The following ARMC1 variants were observed in gnomAD, a reference collection of about 807,000 sequenced individuals.
ARMC1 encodes armadillo repeat containing 1, also known as armadillo repeat-containing protein 1.
ARMC1 carries 16 observed loss-of-function variants against 31.4 expected under a neutral mutation model. The ratio of observed to expected loss-of-function variants is 0.51; its 90% CI spans 0.34 to 0.77. The LOEUF is 0.77. Ranked by LOEUF, ARMC1 falls within the 30% of genes least tolerant of loss-of-function variation. ARMC1 has a pLI of 0.01. For synonymous variants in ARMC1, 114 were observed against 118.9 expected (o/e 0.96, Z 0.27); for missense variants, 259 against 347.5 (o/e 0.75, Z 2.02).
In ARMC1 at chr8:65,612,211, G is replaced by A. The variant is rs78181816; in HGVS notation, c.465+1033C>T. On this transcript the variant is annotated intron_variant, in intron 4 of 6. Coordinates refer to ENST00000276569, the MANE Select transcript of ARMC1 (RefSeq NM_018120.6). Reference sequence around the variant, plus strand: ...GTGCAGTGGTTCATGCCTGTAATCCGAGCTCTTTGCTGGGTTGAGGCAGGA... The same window carrying A: ...GTGCAGTGGTTCATGCCTGTAATCCAAGCTCTTTGCTGGGTTGAGGCAGGA... Among the ~76,000 whole-genome samples, 1,121 of 152,116 alleles carry A rather than the reference G, an allele frequency of 7.4e-3. 6 individuals are homozygous for A. The highest frequency in any genetic ancestry group is 0.024 in the African/African-American group (1,012 of 41,486).
chr8:65,611,908 G>C (rs561970646), intron 4 of ARMC1, among the ~76,000 whole-genome samples: 1 of 151,714 alleles, frequency 6.6e-6, no homozygotes, highest in South Asian at 2.1e-4. Context: ...CGAGTAGCTG[G>C]GACTACAGGC....
intron 2 of ARMC1, among the ~76,000 whole-genome samples, chr8:65,625,023 A>C (rs915130792): frequency 2.0e-5 from 3 of 152,230 alleles, no homozygotes; most frequent in Non-Finnish European, 2.9e-5. Flanking sequence ...CAGAAGGCTG[A>C]GGCAGGAGAA....
chr8:65,631,159 G>A (rs946346273), intron 1 of ARMC1, among the ~76,000 whole-genome samples: 2 of 152,116 alleles, frequency 1.3e-5, no homozygotes, highest in Non-Finnish European at 1.5e-5. Context: ...ACTCCTCACA[G>A]TTAAGACTCA....
rs563459994 is a variant in ARMC1 at position 65,629,567 on chromosome 8, A to C, written c.-35-2134T>G. On this transcript the variant is annotated intron_variant, in intron 1 of 6. Transcript: ENST00000276569. ...TATAATCCCAGCACTTTGGGAGGCC[A>C]AGGCAGGCGGATCATGAGGTCAGGA... Among the ~76,000 whole-genome samples the C allele has an allele frequency of 3.9e-5, 6 of 151,950 alleles. No homozygotes were observed. The East Asian group carries it at 9.7e-4, about 25-fold the overall frequency.
At chr8:65,623,307 C>CAAACAAAAAAAAA in intron 2 of ARMC1, among the ~76,000 whole-genome samples, 1 of 38,338 alleles carries the variant, frequency 2.6e-5, no homozygotes, top group Non-Finnish European at 4.2e-5. Flanking sequence ...GACTCCGTCT[C>CAAACAAAAAAAAA]AAAAAAAAAA....
chr8:65,611,786 T>A (rs2129041603), intron 4 of ARMC1, among the ~76,000 whole-genome samples: 1 of 152,190 alleles, frequency 6.6e-6, no homozygotes, highest in African/African-American at 2.4e-5. Flanking sequence ...TTTTCTTTTT[T>A]TTTTTGAGAC....
intron 4 of ARMC1, among the ~76,000 whole-genome samples, chr8:65,605,998 G>A (rs1807993586): frequency 6.6e-6 from 1 of 152,140 alleles, no homozygotes; most frequent in African/African-American, 2.4e-5. Flanking sequence ...TCACGCTAAG[G>A]CAGAGTTAGT....
At chr8:65,615,374 G>A (rs1359739049) in intron 3 of ARMC1, among the ~76,000 whole-genome samples, 1 of 144,898 alleles carries the variant, frequency 6.9e-6, no homozygotes, top group Non-Finnish European at 1.5e-5. Context: ...AAGAGACAAT[G>A]ATTAGAGAAA....
At chr8:65,629,509 A>C (rs577422640) in intron 1 of ARMC1, among the ~76,000 whole-genome samples, 12 of 152,124 alleles carry the variant, frequency 7.9e-5, no homozygotes, top group Admixed American at 6.6e-5. Context: ...AGTTAATAAT[A>C]GTGTATTCCA....
At chr8:65,617,989 C>T (rs899736837) in intron 3 of ARMC1, among the ~76,000 whole-genome samples, 13 of 152,014 alleles carry the variant, frequency 8.6e-5, no homozygotes, top group African/African-American at 1.7e-4. Context: ...AATCTTGGCT[C>T]ACTGCCACCT....
chr8:65,627,419 A>G lies in ARMC1; in HGVS notation c.-21T>C. The G allele has an allele frequency of 6.5e-7, 1 of 1,528,674 alleles. No individual in the cohort carries two copies. Among genetic ancestry groups the G allele is most frequent in the African/African-American group, 1.4e-5 (1 of 72,120 alleles). The allele number at this position is 1,528,674 out of a possible 1,614,324, so 94.7% of individuals were successfully genotyped here. ...TTCATCTTCTATGCCATGCACATGA[A>G]TAAAATCTTAAATTCTGTAGAAAAG... is the stretch of plus-strand genomic sequence containing the variant. On this transcript the variant is annotated 5_prime_UTR_variant, in exon 2 of 7. Transcript: ENST00000276569.
In ARMC1 at chr8:65,605,558, T is replaced by A; in HGVS notation, c.466-20A>T. 1 of 1,532,220 alleles carries A rather than the reference T, an allele frequency of 6.5e-7. No individual in the cohort carries two copies. Among genetic ancestry groups the A allele is most frequent in the Non-Finnish European group, 9.0e-7 (1 of 1,105,882 alleles). 94.9% of individuals were successfully genotyped at this position (1,532,220 alleles called of 1,614,324 possible). ...CCGAGACTGAAAAAGTAAAAGCAAATTGTTATGAAAATAGGTAAATAAAAG... is the reference window on the plus strand; with the variant it reads ...CCGAGACTGAAAAAGTAAAAGCAAAATGTTATGAAAATAGGTAAATAAAAG... On this transcript the variant is annotated intron_variant, in intron 4 of 6. Coordinates refer to ENST00000276569, the MANE Select transcript of ARMC1 (RefSeq NM_018120.6).
rs1807916282 is a variant in ARMC1, at chr8:65,602,661, T to C, written c.*1733A>G. The stretch of plus-strand genomic sequence containing the variant: ...TGTAGTTTTTAAATAAGCAGATGTG[T>C]GGCAATGCAAAATAAAATACAAATT... On this transcript the variant is annotated 3_prime_UTR_variant, in exon 7 of 7. Transcript: ENST00000276569. 1 of 152,176 alleles carries C rather than the reference T, an allele frequency of 6.6e-6. No individual in the cohort carries two copies. The highest frequency in any genetic ancestry group is 2.1e-4 in the South Asian group (1 of 4,830). The allele number at this position is 152,176 out of a possible 1,614,324, so 9.4% of individuals were successfully genotyped here.
chr8:65,622,239 T>G (rs1259169564), intron 3 of ARMC1, 24 bp downstream of exon 3: 6 of 1,556,712 alleles, frequency 3.9e-6, no homozygotes, highest in Non-Finnish European at 5.3e-6. Flanking sequence ...TATAAATAAA[T>G]GAGACACTGT....
chr8:65,609,867 A>AG, intron 4 of ARMC1, among the ~76,000 whole-genome samples: 1 of 50,798 alleles, frequency 2.0e-5, no homozygotes. Context: ...CAAAAAAAAA[A>AG]AAAAAAAAAG....
intron 2 of ARMC1, 82 bp from the exon 3 acceptor site, chr8:65,622,436 C>CA: frequency 2.8e-6 from 3 of 1,076,410 alleles, no homozygotes; most frequent in Non-Finnish European, 4.1e-6. Flanking sequence ...TGCAAGAAAA[C>CA]AAAAAAGGAG....
At chr8:65,610,581 G>T (rs1184786949) in intron 4 of ARMC1, among the ~76,000 whole-genome samples, 1 of 151,952 alleles carries the variant, frequency 6.6e-6, no homozygotes, top group Non-Finnish European at 1.5e-5. Context: ...TGTAATCCCA[G>T]CTACTTGGGA....
intron 3 of ARMC1, among the ~76,000 whole-genome samples, chr8:65,619,760 G>A (rs1808352559): frequency 1.3e-5 from 2 of 151,854 alleles, no homozygotes; most frequent in African/African-American, 2.4e-5. Flanking sequence ...GAGACGGGCG[G>A]ATCACCTGAG....
In ARMC1 at chr8:65,625,910, C is replaced by T. The variant is rs779283919; in HGVS notation, c.183+1306G>A. On this transcript the variant is annotated intron_variant, in intron 2 of 6. Transcript: ENST00000276569. ...AACTTTTTTTTTTTTTTTTTTGAGA[C>T]GGAGTTTCACTCTTGTTGCCCAGGC... Among the ~76,000 whole-genome samples, 16 of 139,644 alleles carry T rather than the reference C, an allele frequency of 1.1e-4. No homozygotes were observed. In the East Asian group the frequency reaches 2.1e-3, roughly 18 times the overall value. 91.6% of individuals were successfully genotyped at this position (139,644 alleles called of 152,430 possible). A position where few individuals can be genotyped will look rare whatever the true frequency, so the allele number is the denominator to read the frequency against.
Sources: gnomAD v4.1 joint callset for allele counts (sites outside exome capture counted in the v4.1 genomes callset) on GRCh38, gnomAD v4.1.1 for gene constraint, MANE v1.5 for transcripts, NCBI Gene and HGNC (gene_info 2026-07-23, HGNC 2026-07-21) for gene names.